DMD: variants seen among roughly 807,000 people sequenced by gnomAD.
DMD encodes mutant dystrophin.
A neutral mutation model predicts 330.1 loss-of-function variants in DMD; 63 were observed. The observed-to-expected ratio is 0.19, with a 90% CI of 0.16 to 0.24. The LOEUF (loss-of-function observed/expected upper bound fraction) is 0.24, where lower values mean the gene tolerates loss of function less well. Among genes scored for constraint, DMD ranks in the 10% least tolerant of loss-of-function variants. The probability of loss-of-function intolerance (pLI) is 1.00; values close to 1 mark genes in which losing one functional copy is unlikely to be tolerated. For synonymous variants in DMD, 1,223 were observed against 959.8 expected (o/e 1.27, Z -5.07); for missense variants, 3,344 against 2,684.1 (o/e 1.25, Z -5.43).
chrX:32,456,140 A>T (rs912741912), intron 25 of DMD, among the ~76,000 whole-genome samples: 2 of 110,924 alleles, frequency 1.8e-5, no homozygotes, highest in Non-Finnish European at 3.8e-5. Flanking sequence ...TGAAGTGTTC[A>T]TGGTACTTTG....
intron 63 of DMD, among the ~76,000 whole-genome samples, chrX:31,242,712 G>GTA (rs2048465192): frequency 9.2e-6 from 1 of 109,066 alleles, no homozygotes; most frequent in African/African-American, 3.3e-5. Context: ...GTGTGTGTGT[G>GTA]TGTGTGTGTG....
At chrX:31,436,686 G>A (rs1703882678) in intron 60 of DMD, among the ~76,000 whole-genome samples, 1 of 111,894 alleles carries the variant, frequency 8.9e-6, no homozygotes, top group South Asian at 3.7e-4. Flanking sequence ...TGCTCTAAGG[G>A]TGGTCACTAA....
rs1355931646 is a variant in DMD, at chrX:32,852,994, T to C, written c.94-3174A>G. Among the ~76,000 whole-genome samples the C allele has an allele frequency of 2.7e-5, 3 of 111,304 alleles. No homozygotes were observed. The Admixed American group carries it at 2.9e-4, about 11-fold the overall frequency. On this transcript the variant is annotated intron_variant, in intron 2 of 78. Coordinates refer to ENST00000357033, the MANE Select transcript of DMD (RefSeq NM_004006.3). ...AAAAGCAGCAAGAGAAAAGATACAT[T>C]CCAAAAAGCTTAACAACAACTAGTA...
chrX:32,480,509 A>T (rs938694228), intron 21 of DMD, among the ~76,000 whole-genome samples: 6 of 104,668 alleles, frequency 5.7e-5, no homozygotes, highest in African/African-American at 2.4e-4. Flanking sequence ...ATATACACAG[A>T]ATGTGTCTAC....
At chrX:31,615,280 A>G (rs1040247923) in intron 55 of DMD, among the ~76,000 whole-genome samples, 1 of 111,986 alleles carries the variant, frequency 8.9e-6, no homozygotes, top group Non-Finnish European at 1.9e-5. Flanking sequence ...GAGATCAAAG[A>G]AAGTTGGCAA....
At chrX:31,318,958 G>A (rs138321724) in intron 62 of DMD, among the ~76,000 whole-genome samples, 6,006 of 111,954 alleles carry the variant, frequency 0.054, 170 homozygotes, top group Non-Finnish European at 0.087. Context: ...GAAATATAAG[G>A]TCAAACACTT....
intron 35 of DMD, 65 bp downstream of exon 35, chrX:32,364,955 G>A: frequency 1.8e-6 from 2 of 1,136,517 alleles, no homozygotes; most frequent in Admixed American, 4.4e-5. Flanking sequence ...AATTGTTACT[G>A]GTCACTTATG....
At chrX:31,865,873 T>C (rs1298902511) in intron 48 of DMD, among the ~76,000 whole-genome samples, 1 of 111,884 alleles carries the variant, frequency 8.9e-6, no homozygotes, top group East Asian at 2.8e-4. Context: ...ACCTCATTCA[T>C]GTTTCCTTTT....
intron 2 of DMD, among the ~76,000 whole-genome samples, chrX:32,969,575 G>C (rs1170138583): frequency 1.1e-5 from 1 of 93,501 alleles, no homozygotes; most frequent in African/African-American, 4.9e-5. Flanking sequence ...GTGCTTTTTG[G>C]CACAAACGCA....
intron 47 of DMD, among the ~76,000 whole-genome samples, chrX:31,879,084 T>C (rs911022481): frequency 9.0e-6 from 1 of 111,316 alleles, no homozygotes; most frequent in African/African-American, 3.3e-5. Context: ...TACTGTACCT[T>C]TTATATTTTG....
At chrX:32,259,373 C>A (rs1569554441) in intron 43 of DMD, among the ~76,000 whole-genome samples, 1 of 110,703 alleles carries the variant, frequency 9.0e-6, no homozygotes, top group African/African-American at 3.3e-5. Context: ...TTTAAAGCAC[C>A]TTCTATGAAA....
chrX:32,340,636 T>C (rs1273576068), intron 41 of DMD, among the ~76,000 whole-genome samples: 3 of 111,858 alleles, frequency 2.7e-5, no homozygotes, highest in African/African-American at 6.5e-5. Flanking sequence ...AATGAGTTAG[T>C]AGTCAGATAA....
rs764523904 is a variant in DMD at position 32,844,850 on chromosome X, T to G, written c.197A>C (p.Lys66Thr). 1 of 1,210,400 alleles carries G rather than the reference T, an allele frequency of 8.3e-7. No individual in the cohort carries two copies. The highest frequency in any genetic ancestry group is 2.2e-5 in the Admixed American group (1 of 45,999). The change falls in exon 4 of 79, where the codon AAA becomes ACA. Residue 66 changes from lysine (K) to threonine (T), a missense_variant. Lys to Thr is a moderately conservative substitution (Grantham distance 78). Transcript: ENST00000357033. Reference protein sequence around the residue: ...GLTGQKLPKEKGSTRVHALNN... With the variant: ...GLTGQKLPKETGSTRVHALNN... ...CAGGGCATGAACTCTTGTGGATCCT[T>G]TTTCTTTTGGCTGAGAACAAAACAA...
intron 45 of DMD, among the ~76,000 whole-genome samples, chrX:31,966,081 A>C (rs933758077): frequency 9.0e-6 from 1 of 111,248 alleles, no homozygotes. Flanking sequence ...GCTGTACTTA[A>C]AGTCCATTAC....
upstream of DMD, among the ~76,000 whole-genome samples, chrX:33,212,239 T>G (rs190869671): frequency 4.4e-5 from 5 of 112,659 alleles, no homozygotes; most frequent in African/African-American, 1.6e-4. Context: ...TAACAAATTA[T>G]TCTTTCTTCC....
At chrX:32,032,070 GATT>G (rs1416008850) in intron 44 of DMD, among the ~76,000 whole-genome samples, 8 of 111,289 alleles carry the variant, frequency 7.2e-5, no homozygotes, top group Non-Finnish European at 1.5e-4. Flanking sequence ...TTTTGGGGGG[GATT>G]ATATTTTTTA....
intron 44 of DMD, among the ~76,000 whole-genome samples, chrX:32,205,669 G>C (rs374564096): frequency 8.4e-4 from 94 of 112,088 alleles, no homozygotes; most frequent in African/African-American, 2.9e-3. Context: ...ACCTAGCATA[G>C]AGCCTGACAC....
intron 28 of DMD, among the ~76,000 whole-genome samples, chrX:32,439,351 T>TA (rs371064699): frequency 4.5e-5 from 5 of 111,158 alleles, no homozygotes; most frequent in East Asian, 2.8e-4. Flanking sequence ...ACATTTATAT[T>TA]AAAAAAAATC....
At chrX:32,648,626 T>A (rs2059929173) in intron 9 of DMD, among the ~76,000 whole-genome samples, 1 of 111,926 alleles carries the variant, frequency 8.9e-6, no homozygotes, top group Non-Finnish European at 1.9e-5. Context: ...TGGAAATGGC[T>A]CTAGAATTTC....
Sources: allele counts gnomAD v4.1 joint callset (sites outside exome capture counted in the v4.1 genomes callset), GRCh38; gene constraint gnomAD v4.1.1; transcripts MANE v1.5; gene names NCBI Gene and HGNC (gene_info 2026-07-23, HGNC 2026-07-21).